NCOR2: variants seen among roughly 807,000 people sequenced by gnomAD.
NCOR2 encodes the protein nuclear receptor corepressor 2, also known as CTG repeat protein 26.
Under a neutral mutation model 262.9 loss-of-function variants are expected in NCOR2, and 81 were observed. The observed-to-expected ratio is 0.31, with a 90% confidence interval of 0.26 to 0.37. The LOEUF (loss-of-function observed/expected upper bound fraction) is 0.37. Ranked by LOEUF, NCOR2 falls within the 10% of genes least tolerant of loss-of-function variation. The pLI, the probability that NCOR2 is intolerant of heterozygous loss-of-function variation, is 1.00. For synonymous variants in NCOR2, 1,659 were observed against 1,559.3 expected, an observed-to-expected ratio of 1.06 and a Z score of -1.51; for missense variants, 3,385 against 3,621.4, an observed-to-expected ratio of 0.93 and a Z score of 1.68.
At chr12:124,372,984 C>T (rs977919153) in intron 19 of NCOR2, among the ~76,000 whole-genome samples, 2 of 152,240 alleles carry the variant, frequency 1.3e-5, no homozygotes, top group African/African-American at 4.8e-5. Context: ...AGCTCTAACC[C>T]CGGCTCTGCC....
chr12:124,372,521 G>A lies in NCOR2; in HGVS notation c.2308C>T (p.Pro770Ser), dbSNP rs376031883. ...GGCCCGTCGGCGCCCAGGGTGGCTGGGGGCTTGGGCCCATTCTGCCCTGTG... is the reference window on the plus strand; with the variant it reads ...GGCCCGTCGGCGCCCAGGGTGGCTGAGGGCTTGGGCCCATTCTGCCCTGTG... The change falls in exon 20 of 47, where the codon CCA becomes TCA. Residue 770 changes from proline (P) to serine (S), a missense_variant. Pro to Ser is a moderately conservative substitution (Grantham distance 74, BLOSUM62 -1). Around this residue, in one of 5 missense-constraint regions of NCOR2, gnomAD observed 1,615 missense variants for 1,626.9 expected, o/e 0.99. Transcript: ENST00000405201. 3.6e-5 allele frequency: 58 copies of A among 1,594,348 alleles called. No individual in the cohort carries two copies. The highest frequency in any genetic ancestry group is 4.6e-5 in the Non-Finnish European group (54 of 1,178,194).
intron 1 of NCOR2, among the ~76,000 whole-genome samples, chr12:124,564,542 C>T (rs2137305368): frequency 6.9e-6 from 1 of 145,228 alleles, no homozygotes; most frequent in East Asian, 2.1e-4. Context: ...CCCCCACCCC[C>T]GGCCCACGGT....
In NCOR2 at chr12:124,333,290, A is replaced by G. The variant is rs1035315326; in HGVS notation, c.6606-11T>C. 6.3e-7 allele frequency: 1 copy of G among 1,592,976 alleles called. No individual in the cohort carries two copies. Among genetic ancestry groups the G allele is most frequent in the Non-Finnish European group, 8.6e-7 (1 of 1,168,420 alleles). On this transcript the variant is annotated splice_polypyrimidine_tract_variant and intron_variant, in intron 41 of 46. Coordinates refer to ENST00000405201, the Ensembl canonical transcript of NCOR2. ...TTTGGCTCTGGAGACCTGGATGGAG[A>G]AAGGGCCCCAGATGTGGTCAGAGGT...
chr12:124,545,757 G>A (rs1237896034), intron 1 of NCOR2, among the ~76,000 whole-genome samples: 3 of 151,978 alleles, frequency 2.0e-5, no homozygotes, highest in Non-Finnish European at 4.4e-5. Context: ...TCCCTGCGCC[G>A]CCCCGTGCTG....
chr12:124,358,088 TGTGTGTGCGCGCGCGCACGTGC>T (rs1566391205), intron 22 of NCOR2, among the ~76,000 whole-genome samples: 2 of 148,090 alleles, frequency 1.4e-5, no homozygotes, highest in African/African-American at 5.0e-5. Context: ...ACCTGTGATG[TGTGTGTGCGCGCGCGCACGTGC>T]GTGCGTGTGA....
At position 124,566,809 on chromosome 12, in the gene NCOR2, T is replaced by TC. The variant is rs948742748; in HGVS notation, c.-165+498dup. Among the ~76,000 whole-genome samples the TC allele has an allele frequency of 3.9e-5, 6 of 151,948 alleles. No homozygotes were observed. The highest frequency in any genetic ancestry group is 8.8e-5 in the Non-Finnish European group (6 of 67,968). ...CGCCTAGGAGGGACAAGGCTGGCTC[T>TC]CCCCCTCGGCTGGTGAGAGACCCTC... On this transcript the variant is annotated intron_variant, in intron 1 of 32. Coordinates refer to the NCOR2 transcript ENST00000458234. The surrounding 1 kb of genome is among the most constrained non-coding windows in gnomAD (Gnocchi z 4.3).
chr12:124,333,943 T>TG (rs2035593277), intron 41 of NCOR2, among the ~76,000 whole-genome samples: 1 of 148,046 alleles, frequency 6.8e-6, no homozygotes, highest in Non-Finnish European at 1.5e-5. Context: ...CGCATGTGTG[T>TG]GGGTGTGCAC....
chr12:124,556,598 G>T (rs986419404), intron 1 of NCOR2, among the ~76,000 whole-genome samples: 1 of 152,302 alleles, frequency 6.6e-6, no homozygotes, highest in Non-Finnish European at 1.5e-5. Flanking sequence ...GGTGGCTCAC[G>T]CCTGTAATCC....
chr12:124,431,331 T>C (rs914878398), intron 8 of NCOR2, among the ~76,000 whole-genome samples: 3 of 141,538 alleles, frequency 2.1e-5, no homozygotes, highest in Non-Finnish European at 4.6e-5. Context: ...ACACATGCAG[T>C]CACCCACACG....
chr12:124,395,290 G>A (rs1702335), intron 16 of NCOR2, among the ~76,000 whole-genome samples: 6,689 of 151,702 alleles, frequency 0.044, 199 homozygotes, highest in African/African-American at 0.078. Context: ...GACCCCCTAT[G>A]GAGGAGTTGC....
intron 1 of NCOR2, among the ~76,000 whole-genome samples, chr12:124,543,847 C>T (rs1424085724): frequency 6.6e-6 from 1 of 152,244 alleles, no homozygotes; most frequent in Admixed American, 6.5e-5. Context: ...CCTGTCTGTC[C>T]AGCCCCCTCA....
intron 46 of NCOR2, among the ~76,000 whole-genome samples, chr12:124,325,869 G>T (rs1025109288): frequency 1.3e-5 from 2 of 152,098 alleles, no homozygotes; most frequent in Non-Finnish European, 2.9e-5. Flanking sequence ...TATGTTAGAT[G>T]AGCATTTCCC....
At chr12:124,367,227 G>A (rs114686882) in intron 20 of NCOR2, among the ~76,000 whole-genome samples, 2,957 of 152,198 alleles carry the variant, frequency 0.019, 89 homozygotes, top group African/African-American at 0.066. Context: ...GGGGGTGAGC[G>A]GGGGCAGGGG....
At chr12:124,516,328 G>A (rs981599139) in intron 1 of NCOR2, among the ~76,000 whole-genome samples, 5 of 152,274 alleles carry the variant, frequency 3.3e-5, no homozygotes, top group African/African-American at 1.2e-4. Context: ...CCTGGCCCAG[G>A]GCTGGCACGG....
Position 124,454,130 on chromosome 12 carries a change from G to A in NCOR2, c.762+2976C>T, listed in dbSNP as rs1296769340. Among the ~76,000 whole-genome samples the A allele has an allele frequency of 1.3e-5, 2 of 152,170 alleles. No homozygotes were observed. Among genetic ancestry groups the A allele is most frequent in the Non-Finnish European group, 2.9e-5 (2 of 68,032 alleles). On this transcript the variant is annotated intron_variant, in intron 6 of 46. Transcript: ENST00000405201. The surrounding 1 kb of genome is among the most constrained non-coding windows in gnomAD (Gnocchi z 5.6). ...GTGGCCACTCGGGCCTGGCAGATCT[G>A]TGCAGAACTGGCCGGCCGCTCTCCC...
intron 1 of NCOR2, among the ~76,000 whole-genome samples, chr12:124,492,340 G>A (rs1479157681): frequency 6.6e-6 from 1 of 152,192 alleles, no homozygotes; most frequent in Non-Finnish European, 1.5e-5. Context: ...GGCTGTGAGC[G>A]GGCCAATGCC....
chr12:124,356,033 C>G (rs2037926358), intron 23 of NCOR2, among the ~76,000 whole-genome samples: 1 of 152,268 alleles, frequency 6.6e-6, no homozygotes, highest in South Asian at 2.1e-4. Flanking sequence ...CCCCAGCTCA[C>G]TGGGCACCGA....
chr12:124,437,966 C>T (rs1325449342), exon 8 of NCOR2: 3 of 1,612,362 alleles, frequency 1.9e-6, no homozygotes, highest in Non-Finnish European at 2.5e-6. Context: ...TCTTGAAGTA[C>T]AAGATTAGCT....
At chr12:124,484,455 T>C (rs1368443459) in intron 2 of NCOR2, among the ~76,000 whole-genome samples, 1 of 152,198 alleles carries the variant, frequency 6.6e-6, no homozygotes, top group Non-Finnish European at 1.5e-5. Context: ...ACTCCTGGCC[T>C]CCACCTCTGA....
Sources: gnomAD v4.1 joint callset for allele counts (sites outside exome capture counted in the v4.1 genomes callset) on GRCh38, gnomAD v4.1.1 for gene constraint, gnomAD v4.1.1 regional missense constraint, Gnocchi (gnomAD v3.1) non-coding constraint, MANE v1.5 for transcripts, NCBI Gene and HGNC (gene_info 2026-07-23, HGNC 2026-07-21) for gene names.